Variants in CCDC146 observed in about 807,000 individuals in gnomAD.
The protein encoded by CCDC146 is coiled-coil domain-containing protein 146.
In CCDC146, 92 loss-of-function variants were observed where a neutral mutation model predicts 119.3. The observed-to-expected ratio is 0.77, with a 90% CI of 0.65 to 0.92. The LOEUF (loss-of-function observed/expected upper bound fraction) is 0.92, where lower values mean the gene tolerates loss of function less well. Ranked by LOEUF, CCDC146 falls within the 40% of genes least tolerant of loss-of-function variation. The probability of loss-of-function intolerance (pLI) is 0.00; values close to 1 mark genes in which losing one functional copy is unlikely to be tolerated. For missense variants in CCDC146, 1,000 were observed against 1,103.0 expected (o/e 0.91, Z 1.32); for synonymous variants, 372 against 371.8 (o/e 1.00, Z -0.01).
intron 1 of CCDC146, among the ~76,000 whole-genome samples, chr7:77,135,324 CA>C (rs1298664647): frequency 6.6e-6 from 1 of 151,762 alleles, no homozygotes; most frequent in Non-Finnish European, 1.5e-5. Flanking sequence ...CCCATCTCTA[CA>C]AAAAATACAA....
In CCDC146 at chr7:77,196,363, A is replaced by G; in HGVS notation, c.156+28539A>G. Reference sequence around the variant, plus strand: ...AGCCACCAGGGTGTGCCTCACTTACACCAGGCCAGGTACCCCAGAAAATCC... The same window carrying G: ...AGCCACCAGGGTGTGCCTCACTTACGCCAGGCCAGGTACCCCAGAAAATCC... On this transcript the variant is annotated intron_variant, in intron 2 of 18. Transcript: ENST00000285871. The surrounding 1 kb of genome is among the most constrained non-coding windows in gnomAD (Gnocchi z 4.2). 6.2e-7 allele frequency: 1 copy of G among 1,614,086 alleles called. No homozygotes were observed. The highest frequency in any genetic ancestry group is 2.2e-5 in the East Asian group (1 of 44,846).
intron 4 of CCDC146, among the ~76,000 whole-genome samples, chr7:77,248,457 G>C (rs963147539): frequency 1.5e-4 from 23 of 152,170 alleles, no homozygotes; most frequent in African/African-American, 5.3e-4. Context: ...TGTGCTTTTA[G>C]CTCATGTTCC....
intron 1 of CCDC146, among the ~76,000 whole-genome samples, chr7:77,133,153 A>G (rs1790810751): frequency 6.6e-6 from 1 of 152,072 alleles, no homozygotes; most frequent in Non-Finnish European, 1.5e-5. Flanking sequence ...CCTGAGTGAC[A>G]GAGCAAGACT....
chr7:77,237,515 G>A (rs1792760308), intron 3 of CCDC146, among the ~76,000 whole-genome samples: 2 of 152,170 alleles, frequency 1.3e-5, no homozygotes, highest in Admixed American at 1.3e-4. Flanking sequence ...GTCCACTAAA[G>A]CTGCAGGTGG....
At chr7:77,128,773 A>T (rs2117388174) in intron 1 of CCDC146, among the ~76,000 whole-genome samples, 1 of 152,262 alleles carries the variant, frequency 6.6e-6, no homozygotes, top group South Asian at 2.1e-4. Context: ...GGAACTGGAA[A>T]GAGAGTGTGT....
intron 2 of CCDC146, among the ~76,000 whole-genome samples, chr7:77,208,371 G>A (rs1792118170): frequency 6.7e-6 from 1 of 149,560 alleles, no homozygotes; most frequent in Admixed American, 6.6e-5. Context: ...TACACATGTA[G>A]GCTATGTGGT....
rs373519620 is a variant in CCDC146 at position 77,253,748 on chromosome 7, A to C, written c.450-758A>C. Among the ~76,000 whole-genome samples the C allele has an allele frequency of 7.9e-5, 12 of 152,346 alleles. No homozygotes were observed. The East Asian group carries it at 2.1e-3, about 27-fold the overall frequency. On this transcript the variant is annotated intron_variant, in intron 4 of 18. Transcript: ENST00000285871. ...AAACAAGGAAAGAGTTTTGAGGACT[A>C]TTGGTACTGTTTTAGATAGATGGCC...
intron 4 of CCDC146, among the ~76,000 whole-genome samples, chr7:77,253,261 A>G (rs1793112114): frequency 6.6e-6 from 1 of 152,320 alleles, no homozygotes; most frequent in South Asian, 2.1e-4. Flanking sequence ...TCTCTTATGT[A>G]TCCATGTCCC....
chr7:77,252,534 G>A (rs1270894094), intron 4 of CCDC146, among the ~76,000 whole-genome samples: 2 of 152,212 alleles, frequency 1.3e-5, no homozygotes, highest in Non-Finnish European at 2.9e-5. Context: ...GGTTTCAGAT[G>A]GGAAGATAAT....
intron 17 of CCDC146, among the ~76,000 whole-genome samples, chr7:77,289,716 C>G (rs1793910067): frequency 1.3e-5 from 2 of 152,238 alleles, no homozygotes; most frequent in Non-Finnish European, 1.5e-5. Context: ...ATGGCGCCTC[C>G]TGCAAATTTC....
Position 77,196,218 on chromosome 7 carries a change from G to C in CCDC146, c.156+28394G>C, listed in dbSNP as rs904781594. The C allele has an allele frequency of 2.4e-6, 3 of 1,229,310 alleles. No individual in the cohort carries two copies. The highest frequency in any genetic ancestry group is 4.4e-5 in the Admixed American group (2 of 45,000). The allele number at this position is 1,229,310 out of a possible 1,614,324, so 76.2% of individuals were successfully genotyped here. On this transcript the variant is annotated intron_variant, in intron 2 of 18. Coordinates refer to ENST00000285871, the MANE Select transcript of CCDC146 (RefSeq NM_020879.3). The surrounding 1 kb of genome is among the most constrained non-coding windows in gnomAD (Gnocchi z 4.2). ...AATATGAAACAAGGCATATTCTAAA[G>C]TGCTGAAGGAATTAATTGCCCTATT... is the stretch of plus-strand genomic sequence containing the variant.
chr7:77,213,025 G>A (rs1393265330), intron 2 of CCDC146, among the ~76,000 whole-genome samples: 1 of 139,952 alleles, frequency 7.1e-6, no homozygotes, highest in Non-Finnish European at 1.5e-5. Context: ...TGTTGTTCAA[G>A]TTTTTATTAA....
In CCDC146 at chr7:77,282,733, T is replaced by G; in HGVS notation, c.2096T>G (p.Leu699Ter). Residue 699 changes from leucine (L) to a stop codon, truncating the protein, a stop_gained, in exon 15 of 19, where the codon TTA becomes TGA. Coordinates refer to ENST00000285871, the MANE Select transcript of CCDC146 (RefSeq NM_020879.3). LOFTEE classifies it high-confidence loss of function. ...KQRQICVTQK[L>*]LPAKRSLDAD... ...AGACAAATTTGTGTGACCCAGAAAT[T>G]ACTGCCAGCCAAGAGGTCCCTGGAT... The G allele has an allele frequency of 6.2e-7, 1 of 1,614,168 alleles. No homozygotes were observed. Among genetic ancestry groups the G allele is most frequent in the Non-Finnish European group, 8.5e-7 (1 of 1,180,020 alleles).
At position 77,269,178 on chromosome 7, in the gene CCDC146, G is replaced by A. The variant is rs1305230843; in HGVS notation, c.1174-4516G>A. Among the ~76,000 whole-genome samples the A allele has an allele frequency of 2.6e-5, 4 of 151,394 alleles. No individual in the cohort carries two copies. The East Asian group carries it at 7.7e-4, about 29-fold the overall frequency. On this transcript the variant is annotated intron_variant, in intron 9 of 18. Transcript: ENST00000285871. The stretch of plus-strand genomic sequence containing the variant: ...TATTTTCCTTTCTTTTTTGTCATTT[G>A]ACTTGCTAAAAGAGAAATTTCCTCA...
At chr7:77,239,839 A>G (rs1015062378) in intron 3 of CCDC146, among the ~76,000 whole-genome samples, 6 of 152,164 alleles carry the variant, frequency 3.9e-5, no homozygotes, top group African/African-American at 1.2e-4. Context: ...TCCTTTTTCT[A>G]CATCCTCTGA....
chr7:77,199,438 G>A, intron 2 of CCDC146: 2 of 1,614,128 alleles, frequency 1.2e-6, no homozygotes, highest in Non-Finnish European at 1.7e-6. Flanking sequence ...CGGGGCTCCT[G>A]TACTGGGTAA....
rs960289440 is a variant in CCDC146, at chr7:77,254,706, A to G, written c.507+143A>G. 10 of 488,710 alleles carry G rather than the reference A, an allele frequency of 2.0e-5. No homozygotes were observed. The South Asian group carries it at 3.3e-4, about 16-fold the overall frequency. 30.3% of individuals were successfully genotyped at this position (488,710 alleles called of 1,614,324 possible). On this transcript the variant is annotated intron_variant, in intron 5 of 18. Coordinates refer to ENST00000285871, the MANE Select transcript of CCDC146 (RefSeq NM_020879.3). Reference sequence around the variant, plus strand: ...CTTAACTGTGAATGATGCTGAAAAGACTAGCTACATAACTTCTGGAGTAAA... The same window carrying G: ...CTTAACTGTGAATGATGCTGAAAAGGCTAGCTACATAACTTCTGGAGTAAA...
chr7:77,155,172 G>A (rs1241843493), intron 1 of CCDC146, among the ~76,000 whole-genome samples: 1 of 152,224 alleles, frequency 6.6e-6, no homozygotes, highest in Non-Finnish European at 1.5e-5. Context: ...CAGAATGACT[G>A]TAAATTATTG....
At chr7:77,163,458 A>G (rs1361665839) in intron 1 of CCDC146, among the ~76,000 whole-genome samples, 2 of 152,172 alleles carry the variant, frequency 1.3e-5, no homozygotes, top group African/African-American at 4.8e-5. Flanking sequence ...AAAAAAAAAA[A>G]TACACATATA....
Sources: gnomAD v4.1 joint callset for allele counts (sites outside exome capture counted in the v4.1 genomes callset) on GRCh38, gnomAD v4.1.1 for gene constraint, Gnocchi (gnomAD v3.1) non-coding constraint, MANE v1.5 for transcripts, NCBI Gene and HGNC (gene_info 2026-07-23, HGNC 2026-07-21) for gene names.